Variants in PMM1 observed in about 807,000 individuals in gnomAD.
PMM1 encodes the protein phosphomannomutase 1.
In PMM1, 25 loss-of-function variants were observed where a neutral mutation model predicts 34.0. That is an observed-to-expected ratio of 0.73 (90% CI 0.54 to 1.03). The LOEUF (loss-of-function observed/expected upper bound fraction) is 1.03, where lower values mean the gene tolerates loss of function less well. Among genes scored for constraint, PMM1 ranks in the 50% least tolerant of loss-of-function variants. PMM1 has a pLI of 0.00. For synonymous variants in PMM1, 134 were observed against 143.9 expected, an observed-to-expected ratio of 0.93 and a Z score of 0.49; for missense variants, 321 against 350.1, an observed-to-expected ratio of 0.92 and a Z score of 0.66.
rs1377193812 is a variant in PMM1 at position 41,584,295 on chromosome 22, C to G, written c.360G>C (p.Arg120Ser). 5.0e-6 allele frequency: 8 copies of G among 1,613,986 alleles called. No individual in the cohort carries two copies. The highest frequency in any genetic ancestry group is 2.7e-5 in the African/African-American group (2 of 74,928). ...TGGGACCTCACCGCTTCTTGGGCAG[C>G]CTGAGCAGGGCCATGTAGCTGAGGC... ...NFCLSYMALLRLPKKRGTFIE... is the reference protein window; with the variant it reads ...NFCLSYMALLSLPKKRGTFIE... Residue 120 changes from arginine (R) to serine (S), a missense_variant, in exon 4 of 8, where the codon AGG becomes AGC. Arg to Ser is a moderately radical substitution (Grantham distance 110). Coordinates refer to ENST00000216259, the MANE Select transcript of PMM1 (RefSeq NM_002676.3).
chr22:41,577,314 C>T lies in PMM1; in HGVS notation c.*4G>A, dbSNP rs1451395757. 1 of 1,612,914 alleles carries T rather than the reference C, an allele frequency of 6.2e-7. No individual in the cohort carries two copies. Among genetic ancestry groups the T allele is most frequent in the Non-Finnish European group, 8.5e-7 (1 of 1,180,024 alleles). The stretch of plus-strand genomic sequence containing the variant: ...AAGTCACGACACACAGATGTGGGCC[C>T]CGGTCACGCCTCATGAGCTGTCTCT... On this transcript the variant is annotated 3_prime_UTR_variant, in exon 8 of 8. Coordinates refer to ENST00000216259, the MANE Select transcript of PMM1 (RefSeq NM_002676.3).
Position 41,578,848 on chromosome 22 carries a change from G to C in PMM1, c.508C>G (p.Leu170Val). The change falls in exon 6 of 8, where the codon CTG becomes GTG. Residue 170 changes from leucine (L) to valine (V), a missense_variant. Leu to Val is a conservative substitution (Grantham distance 32, BLOSUM62 1). Coordinates refer to ENST00000216259, the MANE Select transcript of PMM1 (RefSeq NM_002676.3). Reference protein sequence around the residue: ...EKIREKFVEALKTEFAGKGLR... With the variant: ...EKIREKFVEAVKTEFAGKGLR... Reference sequence around the variant, plus strand: ...CCTTTGCCAGCAAACTCTGTTTTCAGGGCTTCCACGAACTTCTCCCGGATC... The same window carrying C: ...CCTTTGCCAGCAAACTCTGTTTTCACGGCTTCCACGAACTTCTCCCGGATC... The C allele has an allele frequency of 1.2e-6, 2 of 1,614,076 alleles. No individual in the cohort carries two copies. Among genetic ancestry groups the C allele is most frequent in the Non-Finnish European group, 1.7e-6 (2 of 1,180,004 alleles).
intron 4 of PMM1, 47 bp downstream of exon 4, chr22:41,584,231 TCTC>T: frequency 2.0e-6 from 3 of 1,536,218 alleles, no homozygotes; most frequent in Non-Finnish European, 1.8e-6. Flanking sequence ...GACCCACACT[TCTC>T]CTCCCTCAGG....
At position 41,584,735 on chromosome 22, in the gene PMM1, T is replaced by G. The variant is rs1036415356; in HGVS notation, c.206-132A>C. ...AAAGGCCATTTGTTCAATCTGAGGC[T>G]ACAACCTGCTTCTCCAGCCTTTCTC... On this transcript the variant is annotated intron_variant, in intron 2 of 7. Coordinates refer to ENST00000216259, the MANE Select transcript of PMM1 (RefSeq NM_002676.3). The G allele has an allele frequency of 1.3e-5, 8 of 634,852 alleles. No homozygotes were observed. The African/African-American group carries it at 1.5e-4, about 12-fold the overall frequency. The allele number at this position is 634,852 out of a possible 1,614,324, so 39.3% of individuals were successfully genotyped here.
chr22:41,577,631 C>G (rs1183703406), intron 7 of PMM1, 177 bp downstream of exon 7: 8 of 784,278 alleles, frequency 1.0e-5, no homozygotes, highest in Non-Finnish European at 1.7e-5. Flanking sequence ...CCCCAGCTTT[C>G]CAATCTGTGT....
intron 1 of PMM1, chr22:41,589,020 C>T (rs2067346277): frequency 1.1e-5 from 14 of 1,224,408 alleles, no homozygotes; most frequent in Non-Finnish European, 1.5e-5. Context: ...CTCAACACAG[C>T]GAGAGTCTTT....
chr22:41,584,922 C>T lies in PMM1; in HGVS notation c.206-319G>A, dbSNP rs562077560. Reference sequence around the variant, plus strand: ...TCCTCTGGAAGCCATGCAGTACTCTCTGGCAGAGGGCATCATTTCCACTCT... The same window carrying T: ...TCCTCTGGAAGCCATGCAGTACTCTTTGGCAGAGGGCATCATTTCCACTCT... On this transcript the variant is annotated intron_variant, in intron 2 of 7. Transcript: ENST00000216259. 1.1e-5 allele frequency: 3 copies of T among 272,550 alleles called. No homozygotes were observed. The Admixed American group carries it at 1.4e-4, about 13-fold the overall frequency. The allele number at this position is 272,550 out of a possible 1,614,324, so 16.9% of individuals were successfully genotyped here. A position where few individuals can be genotyped will look rare whatever the true frequency, so the allele number is the denominator to read the frequency against.
Position 41,584,520 on chromosome 22 carries a change from C to T in PMM1, c.282+7G>A. ...GTGCCCCTGGCTAAGCCCTGGGGGA[C>T]ACTGACCTGCTTGGAGAGCAGTCGT... On this transcript the variant is annotated splice_region_variant and intron_variant, in intron 3 of 7. Transcript: ENST00000216259. 6.2e-7 allele frequency: 1 copy of T among 1,611,802 alleles called. No individual in the cohort carries two copies. The highest frequency in any genetic ancestry group is 8.5e-7 in the Non-Finnish European group (1 of 1,178,182).
chr22:41,577,339 TG>T lies in PMM1; in HGVS notation c.767del (p.Pro256GlnfsTer33). ...TVQRCREIFF[P>X]ETAHEA Reference sequence around the variant, plus strand: ...CCGGTCACGCCTCATGAGCTGTCTCTGGGAAGAAAATCTCCCGGCATCGCTG... The same window carrying T: ...CCGGTCACGCCTCATGAGCTGTCTCTGGAAGAAAATCTCCCGGCATCGCTG... On this transcript the variant is annotated frameshift_variant, in exon 8 of 8. Coordinates refer to ENST00000216259, the MANE Select transcript of PMM1 (RefSeq NM_002676.3). LOFTEE classifies it high-confidence loss of function. The T allele has an allele frequency of 1.2e-6, 2 of 1,613,034 alleles. No individual in the cohort carries two copies. Among genetic ancestry groups the T allele is most frequent in the Non-Finnish European group, 8.5e-7 (1 of 1,180,008 alleles).
Position 41,589,814 on chromosome 22 carries a change from G to C in PMM1, c.-9C>G, listed in dbSNP as rs1008687345. 1.9e-6 allele frequency: 3 copies of C among 1,599,476 alleles called. No homozygotes were observed. The highest frequency in any genetic ancestry group is 2.6e-6 in the Non-Finnish European group (3 of 1,174,504). ...TGGGCGGTGACTGCCATGGCTGCAG[G>C]TCCGCGCGCGGGGCGGAGTCCCGAA... On this transcript the variant is annotated 5_prime_UTR_variant, in exon 1 of 8. Coordinates refer to ENST00000216259, the MANE Select transcript of PMM1 (RefSeq NM_002676.3).
chr22:41,589,238 G>A (rs1170754765), intron 1 of PMM1: 1 of 649,562 alleles, frequency 1.5e-6, no homozygotes, highest in Non-Finnish European at 2.5e-6. Context: ...AGGTCGGGGT[G>A]GGAAGACTCC....
At chr22:41,589,125 C>A (rs758516450) in intron 1 of PMM1, 10 of 1,304,012 alleles carry the variant, frequency 7.7e-6, no homozygotes, top group African/African-American at 7.6e-5. Flanking sequence ...GGGTAGAGCT[C>A]ATAAACGAAT....
Position 41,577,255 on chromosome 22 carries a change from G to A in PMM1, c.*63C>T. 6.2e-7 allele frequency: 1 copy of A among 1,606,128 alleles called. No individual in the cohort carries two copies. The highest frequency in any genetic ancestry group is 1.7e-5 in the Admixed American group (1 of 60,000). ...GGGCCCTGGCATCTATCCAACACCA[G>A]GACCTCTCTTTAGGCCTAGGCCAAA... On this transcript the variant is annotated 3_prime_UTR_variant, in exon 8 of 8. Coordinates refer to ENST00000216259, the MANE Select transcript of PMM1 (RefSeq NM_002676.3).
Position 41,577,936 on chromosome 22 carries a change from G to A in PMM1, c.551-13C>T. 6.3e-7 allele frequency: 1 copy of A among 1,586,904 alleles called. No individual in the cohort carries two copies. Among genetic ancestry groups the A allele is most frequent in the South Asian group, 1.1e-5 (1 of 90,552 alleles). Reference sequence around the variant, plus strand: ...CTGATCATGCCTCCTGTGGGCAGGGGTGGGGACTGTTATTCCCTGCTGGGA... The same window carrying A: ...CTGATCATGCCTCCTGTGGGCAGGGATGGGGACTGTTATTCCCTGCTGGGA... On this transcript the variant is annotated splice_polypyrimidine_tract_variant and intron_variant, in intron 6 of 7. Coordinates refer to ENST00000216259, the MANE Select transcript of PMM1 (RefSeq NM_002676.3).
chr22:41,588,777 G>T (rs1265773567), intron 1 of PMM1: 1 of 985,354 alleles, frequency 1.0e-6, no homozygotes, highest in Non-Finnish European at 1.2e-6. Context: ...CCTAAGAGAG[G>T]AGGCTAAGAC....
chr22:41,589,798 A>G lies in PMM1; in HGVS notation c.8T>C (p.Val3Ala). 6.2e-7 allele frequency: 1 copy of G among 1,606,780 alleles called. No individual in the cohort carries two copies. Among genetic ancestry groups the G allele is most frequent in the Non-Finnish European group, 8.5e-7 (1 of 1,177,660 alleles). The part of the protein sequence containing the change: MA[V>A]TAQAARRKER... ...CTTCCTGCGGGCTGCCTGGGCGGTGACTGCCATGGCTGCAGGTCCGCGCGC... is the reference window on the plus strand; with the variant it reads ...CTTCCTGCGGGCTGCCTGGGCGGTGGCTGCCATGGCTGCAGGTCCGCGCGC... Residue 3 changes from valine (V) to alanine (A), a missense_variant, in exon 1 of 8, where the codon GTC becomes GCC. Coordinates refer to ENST00000216259, the MANE Select transcript of PMM1 (RefSeq NM_002676.3).
chr22:41,588,322 T>C (rs777476231), intron 1 of PMM1, among the ~76,000 whole-genome samples: 26 of 152,306 alleles, frequency 1.7e-4, no homozygotes, highest in Admixed American at 7.2e-4. Flanking sequence ...CGGGTTCAAG[T>C]GATTCTCCTG....
intron 4 of PMM1, 41 bp from the exon 5 acceptor site, chr22:41,584,099 C>A: frequency 6.7e-7 from 1 of 1,499,182 alleles, no homozygotes; most frequent in Non-Finnish European, 9.3e-7. Context: ...AGAACCAGAA[C>A]GGCCCTGAAT....
At chr22:41,578,360 C>T (rs988324385) in intron 6 of PMM1, among the ~76,000 whole-genome samples, 4 of 152,166 alleles carry the variant, frequency 2.6e-5, no homozygotes, top group African/African-American at 9.7e-5. Context: ...CATGTCATGA[C>T]TCCAGCTCCA....
Sources: gnomAD v4.1 joint callset for allele counts (sites outside exome capture counted in the v4.1 genomes callset) on GRCh38, gnomAD v4.1.1 for gene constraint, MANE v1.5 for transcripts, NCBI Gene and HGNC (gene_info 2026-07-23, HGNC 2026-07-21) for gene names.